UNC45B: variants seen among roughly 807,000 people sequenced by gnomAD.
The protein encoded by UNC45B is unc-45 myosin chaperone B.
Under a neutral mutation model 98.7 loss-of-function variants are expected in UNC45B, and 78 were observed. The ratio of observed to expected loss-of-function variants is 0.79; its 90% confidence interval spans 0.66 to 0.95. UNC45B has a LOEUF of 0.95. Ranked by LOEUF, UNC45B falls within the 40% of genes least tolerant of loss-of-function variation. The probability of loss-of-function intolerance (pLI) is 0.00; values close to 1 mark genes in which losing one functional copy is unlikely to be tolerated. For synonymous variants in UNC45B, 462 were observed against 480.4 expected, an observed-to-expected ratio of 0.96 and a Z score of 0.50; for missense variants, 1,225 against 1,184.9, an observed-to-expected ratio of 1.03 and a Z score of -0.50.
At chr17:35,158,958 G>A (rs1327085541) in intron 7 of UNC45B, among the ~76,000 whole-genome samples, 3 of 152,192 alleles carry the variant, frequency 2.0e-5, no homozygotes, top group African/African-American at 7.2e-5. Context: ...CTTGAATTCA[G>A]GCTCCCAGCA....
chr17:35,163,473 C>A (rs1466062038), intron 8 of UNC45B, among the ~76,000 whole-genome samples: 2 of 152,130 alleles, frequency 1.3e-5, no homozygotes, highest in Non-Finnish European at 2.9e-5. Flanking sequence ...TCATCATCAT[C>A]ATAAATGTAA....
At chr17:35,180,518 G>T in intron 17 of UNC45B, 41 bp from the exon 18 acceptor site, 1 of 1,553,676 alleles carries the variant, frequency 6.4e-7, no homozygotes. Flanking sequence ...GGTCACGGCA[G>T]AAGACTCAAG....
chr17:35,179,761 G>C (rs141139229), intron 17 of UNC45B, among the ~76,000 whole-genome samples: 11,406 of 152,036 alleles, frequency 0.075, 549 homozygotes, highest in East Asian at 0.14. Flanking sequence ...GGGGTGGGGA[G>C]CTGGGGGAGG....
At chr17:35,163,848 A>G in intron 8 of UNC45B, 147 bp from the exon 9 acceptor site, 1 of 952,904 alleles carries the variant, frequency 1.0e-6, no homozygotes, top group Non-Finnish European at 1.5e-6. Flanking sequence ...CTTTGACCCC[A>G]TTCTAGGCCC....
chr17:35,180,911 C>G (rs1206302045), intron 18 of UNC45B, among the ~76,000 whole-genome samples: 2 of 152,128 alleles, frequency 1.3e-5, no homozygotes, highest in African/African-American at 4.8e-5. Context: ...TCAATCCAGA[C>G]CCTGGGCTAG....
chr17:35,155,695 G>A (rs1240943652), intron 7 of UNC45B, among the ~76,000 whole-genome samples: 1 of 152,050 alleles, frequency 6.6e-6, no homozygotes, highest in Non-Finnish European at 1.5e-5. Flanking sequence ...TCAGCCTCCC[G>A]AGTATCTGGG....
At position 35,177,411 on chromosome 17, in the gene UNC45B, A is replaced by G. The variant is rs960826571; in HGVS notation, c.2140-84A>G. Reference sequence around the variant, plus strand: ...CAATGTATGAGAAAGTGCTTTGGAAACTTTACAGCTGGTCACCTATAAATG... The same window carrying G: ...CAATGTATGAGAAAGTGCTTTGGAAGCTTTACAGCTGGTCACCTATAAATG... On this transcript the variant is annotated intron_variant, in intron 16 of 19. Coordinates refer to ENST00000394570, the MANE Select transcript of UNC45B (RefSeq NM_001267052.2). The G allele has an allele frequency of 5.2e-6, 5 of 968,268 alleles. No homozygotes were observed. In the Admixed American group the frequency reaches 7.5e-5, roughly 15 times the overall value. 60.0% of individuals were successfully genotyped at this position (968,268 alleles called of 1,614,324 possible).
rs754246829 is a variant in UNC45B, at chr17:35,159,512, G to A, written c.946G>A (p.Asp316Asn). Residue 316 changes from aspartate (D) to asparagine (N), a missense_variant, in exon 8 of 20, where the codon GAC (aspartate) becomes AAC (asparagine). Transcript: ENST00000394570. ...NVPRKDLAIHDNSRTIYVVDN... is the reference protein window; with the variant it reads ...NVPRKDLAIHNNSRTIYVVDN... Reference sequence around the variant, plus strand: ...TCCCAGGAAGGACCTTGCCATTCATGACAACTCACGTACCATCTATGTGGT... The same window carrying A: ...TCCCAGGAAGGACCTTGCCATTCATAACAACTCACGTACCATCTATGTGGT... 6.2e-7 allele frequency: 1 copy of A among 1,614,076 alleles called. No homozygotes were observed. Among genetic ancestry groups the A allele is most frequent in the Non-Finnish European group, 8.5e-7 (1 of 1,179,982 alleles).
In UNC45B at chr17:35,157,670, T is replaced by A. The variant is rs1597910495; in HGVS notation, c.809-1705T>A. 2.0e-5 allele frequency among the ~76,000 whole-genome samples: 3 copies of A among 152,214 alleles called. No homozygotes were observed. In the East Asian group the frequency reaches 5.8e-4, roughly 29 times the overall value. ...GATGAGAGTCTCCATTTTAACACAT[T>A]CTCATCAGATCTGAATGCTATCCTT... On this transcript the variant is annotated intron_variant, in intron 7 of 19. Transcript: ENST00000394570.
In UNC45B at chr17:35,168,169, AG is replaced by A. The variant is rs1283556272; in HGVS notation, c.1262del (p.Gly421ValfsTer2). ...TGGGCAACCAGCTGCTGGGACTGAA[AG>A]GTGTGATGGAGATGATGGTGGCACT... Reference protein sequence around the residue: ...DLGNQLLGLKGVMEMMVALCG... With the variant: ...DLGNQLLGLKXVMEMMVALCG... On this transcript the variant is annotated frameshift_variant, in exon 10 of 20. Coordinates refer to ENST00000394570, the MANE Select transcript of UNC45B (RefSeq NM_001267052.2). LOFTEE classifies it high-confidence loss of function. 2 of 1,607,020 alleles carry A rather than the reference AG, an allele frequency of 1.2e-6. No individual in the cohort carries two copies. The highest frequency in any genetic ancestry group is 3.3e-4 in the Middle Eastern group (2 of 6,034).
intron 15 of UNC45B, 152 bp from the exon 16 acceptor site, chr17:35,176,865 T>G (rs2092237507): frequency 3.5e-6 from 2 of 578,862 alleles, no homozygotes; most frequent in East Asian, 2.8e-5. Flanking sequence ...TGATTAAGGA[T>G]TTAATTGTTT....
At chr17:35,177,735 A>T in intron 17 of UNC45B, 125 bp downstream of exon 17, 1 of 699,584 alleles carries the variant, frequency 1.4e-6, no homozygotes, top group Non-Finnish European at 2.4e-6. Context: ...GTGGGATTTG[A>T]GTTAGCACAA....
intron 18 of UNC45B, among the ~76,000 whole-genome samples, chr17:35,182,389 G>A (rs987584750): frequency 1.4e-5 from 2 of 146,210 alleles, no homozygotes; most frequent in African/African-American, 5.0e-5. Context: ...GCGCCCGGCC[G>A]GGTGGCTCAC....
At chr17:35,153,072 C>T in intron 5 of UNC45B, 90 bp downstream of exon 5, 1 of 1,147,752 alleles carries the variant, frequency 8.7e-7, no homozygotes, top group Admixed American at 2.1e-5. Flanking sequence ...GACCGGAGGC[C>T]TGTCTTTGCA....
At chr17:35,183,807 G>A (rs2092288099) in intron 19 of UNC45B, among the ~76,000 whole-genome samples, 1 of 152,196 alleles carries the variant, frequency 6.6e-6, no homozygotes, top group Admixed American at 6.5e-5. Flanking sequence ...CCTCCCACTG[G>A]AGTTTCACCC....
At chr17:35,180,286 G>GAGAGAGAGAGAGAC (rs943283439) in intron 17 of UNC45B, among the ~76,000 whole-genome samples, 15 of 147,254 alleles carry the variant, frequency 1.0e-4, no homozygotes, top group African/African-American at 3.5e-4. Context: ...GAGAGAGAGA[G>GAGAGAGAGAGAGAC]AGAATTTCTT....
chr17:35,168,356 CT>C lies in UNC45B; in HGVS notation c.1448del (p.Leu483ArgfsTer41). 1 of 1,345,332 alleles carries C rather than the reference CT, an allele frequency of 7.4e-7. No individual in the cohort carries two copies. Among genetic ancestry groups the C allele is most frequent in the Non-Finnish European group, 9.6e-7 (1 of 1,038,054 alleles). The allele number at this position is 1,345,332 out of a possible 1,614,324, so 83.3% of individuals were successfully genotyped here. Reference protein sequence around the residue: ...TKNEKIKIRTLVGLCKLGSAG... With the variant: ...TKNEKIKIRTXVGLCKLGSAG... ...AAATGAGAAGATCAAGATCCGCACA[CT>C]GGTGGTGAGTGGGCTCGGTACCACC... On this transcript the variant is annotated frameshift_variant, in exon 10 of 20. Transcript: ENST00000394570. LOFTEE classifies it high-confidence loss of function.
chr17:35,186,590 C>T lies in UNC45B; in HGVS notation c.*31C>T. 2 of 1,610,558 alleles carry T rather than the reference C, an allele frequency of 1.2e-6. No individual in the cohort carries two copies. Among genetic ancestry groups the T allele is most frequent in the Non-Finnish European group, 1.7e-6 (2 of 1,178,030 alleles). ...GACCCTCAGGGATGCTGGGAGTGGT[C>T]CTGTACTGTGCAGAGTCCTGGGTTG... is the stretch of plus-strand genomic sequence containing the variant. On this transcript the variant is annotated 3_prime_UTR_variant, in exon 20 of 20. Coordinates refer to ENST00000394570, the MANE Select transcript of UNC45B (RefSeq NM_001267052.2).
chr17:35,170,354 TC>T (rs1173782384), intron 12 of UNC45B, 99 bp downstream of exon 12: 1 of 1,352,862 alleles, frequency 7.4e-7, no homozygotes, highest in Non-Finnish European at 9.8e-7. Flanking sequence ...CTGGCTCTAC[TC>T]CTTACCCCTG....
Sources: gnomAD v4.1 joint callset for allele counts (sites outside exome capture counted in the v4.1 genomes callset) on GRCh38, gnomAD v4.1.1 for gene constraint, MANE v1.5 for transcripts, NCBI Gene and HGNC (gene_info 2026-07-23, HGNC 2026-07-21) for gene names.